Variants in WWOX observed in about 807,000 individuals in gnomAD.
WWOX encodes the protein WW domain containing oxidoreductase, also known as WW domain-containing oxidoreductase.
In WWOX, 69 loss-of-function variants were observed where a neutral mutation model predicts 46.2. The ratio of observed to expected loss-of-function variants is 1.49; its 90% CI spans 1.23 to 1.82. The LOEUF (loss-of-function observed/expected upper bound fraction) is 1.82. Among genes scored for constraint, WWOX ranks in the 40% most tolerant of loss-of-function variants. WWOX has a pLI of 0.00. For synonymous variants in WWOX, 359 were observed against 202.6 expected (o/e 1.77, Z -6.56); for missense variants, 919 against 542.6 (o/e 1.69, Z -6.89).
At chr16:78,898,692 A>T (rs2044756821) in intron 8 of WWOX, 1 of 152,084 alleles carries the variant, frequency 6.6e-6, no homozygotes, top group East Asian at 1.9e-4. Flanking sequence ...GAATCTCTTG[A>T]TCAATTTGAG....
intron 8 of WWOX, among the ~76,000 whole-genome samples, chr16:78,838,219 C>G (rs1014368473): frequency 5.9e-5 from 9 of 151,904 alleles, no homozygotes; most frequent in African/African-American, 1.9e-4. Context: ...AAGCAGGGTA[C>G]GTGGAGGGCT....
intron 5 of WWOX, among the ~76,000 whole-genome samples, chr16:78,219,676 T>C (rs1431556803): frequency 6.6e-6 from 1 of 152,192 alleles, no homozygotes; most frequent in East Asian, 1.9e-4. Context: ...GGGAAGACAT[T>C]ATTTGGCAAC....
chr16:78,599,110 A>G (rs961777792), intron 8 of WWOX, among the ~76,000 whole-genome samples: 1 of 152,186 alleles, frequency 6.6e-6, no homozygotes, highest in East Asian at 1.9e-4. Flanking sequence ...TGCCAGCTCA[A>G]GCTGCTCTCA....
intron 8 of WWOX, among the ~76,000 whole-genome samples, chr16:78,967,459 GTTTTTT>G (rs57576563): frequency 1.0e-5 from 1 of 98,348 alleles, no homozygotes; most frequent in African/African-American, 3.9e-5. Flanking sequence ...AATTTTTGTG[GTTTTTT>G]TTTTTTTTTT....
At chr16:79,026,979 G>C (rs1028150306) in intron 8 of WWOX, among the ~76,000 whole-genome samples, 2 of 150,820 alleles carry the variant, frequency 1.3e-5, no homozygotes, top group South Asian at 4.2e-4. Flanking sequence ...AGTAAATAAA[G>C]AAAAGTTAAC....
intron 4 of WWOX, among the ~76,000 whole-genome samples, chr16:78,157,443 G>A (rs1002513844): frequency 3.3e-5 from 5 of 152,146 alleles, no homozygotes. Context: ...GAGTAAATTT[G>A]AGATTATTGT....
intron 8 of WWOX, among the ~76,000 whole-genome samples, chr16:78,831,001 C>G (rs1480246632): frequency 6.6e-6 from 1 of 152,172 alleles, no homozygotes; most frequent in Admixed American, 6.5e-5. Context: ...ACTAATGATG[C>G]AGCAGTAATC....
intron 8 of WWOX, chr16:78,551,908 G>A (rs891297602): frequency 1.1e-4 from 17 of 152,260 alleles, no homozygotes; most frequent in African/African-American, 4.1e-4. Flanking sequence ...GTGGTTTGCA[G>A]TGAGCAAAAC....
intron 8 of WWOX, among the ~76,000 whole-genome samples, chr16:79,154,299 C>A (rs976129991): frequency 2.0e-5 from 3 of 152,136 alleles, no homozygotes; most frequent in Admixed American, 6.5e-5. Flanking sequence ...AGGAACAAAG[C>A]CTTTTGTTTC....
chr16:79,105,255 T>G (rs1291039132), intron 8 of WWOX, among the ~76,000 whole-genome samples: 1 of 152,152 alleles, frequency 6.6e-6, no homozygotes, highest in Non-Finnish European at 1.5e-5. Context: ...TCAAAGGAAT[T>G]TTTTTATTTT....
chr16:78,640,486 C>G (rs2046680916), intron 8 of WWOX, among the ~76,000 whole-genome samples: 1 of 151,988 alleles, frequency 6.6e-6, no homozygotes, highest in East Asian at 1.9e-4. Flanking sequence ...GAGCGGGTTC[C>G]TGTACTGCAT....
chr16:79,079,430 A>G (rs2048720427), intron 8 of WWOX, among the ~76,000 whole-genome samples: 1 of 152,098 alleles, frequency 6.6e-6, no homozygotes. Context: ...CCATCCATCT[A>G]GGCATCCCAG....
At chr16:79,170,241 A>G (rs1413108889) in intron 8 of WWOX, among the ~76,000 whole-genome samples, 1 of 152,158 alleles carries the variant, frequency 6.6e-6, no homozygotes, top group Non-Finnish European at 1.5e-5. Context: ...ACATCATCTC[A>G]TTTAATCCTC....
intron 8 of WWOX, among the ~76,000 whole-genome samples, chr16:79,154,520 AGAG>A (rs2050343274): frequency 6.7e-6 from 1 of 150,180 alleles, no homozygotes; most frequent in South Asian, 2.1e-4. Flanking sequence ...AAAAAAAAAA[AGAG>A]GTGAATTTAG....
intron 8 of WWOX, among the ~76,000 whole-genome samples, chr16:78,579,188 TG>T (rs1173776061): frequency 6.6e-6 from 1 of 152,196 alleles, no homozygotes; most frequent in Non-Finnish European, 1.5e-5. Context: ...TCCCTATTTG[TG>T]GGTGTTACTT....
intron 5 of WWOX, among the ~76,000 whole-genome samples, chr16:78,270,896 A>T (rs1449833636): frequency 6.6e-6 from 1 of 152,192 alleles, no homozygotes; most frequent in South Asian, 2.1e-4. Flanking sequence ...AAGGTACTTA[A>T]CTATCTGGCC....
chr16:78,880,402 C>T (rs1319755763), intron 8 of WWOX, among the ~76,000 whole-genome samples: 3 of 152,080 alleles, frequency 2.0e-5, no homozygotes, highest in African/African-American at 4.8e-5. Context: ...GGGAATTATG[C>T]GATTACAAAA....
At chr16:79,199,074 A>G (rs946069208) in intron 8 of WWOX, among the ~76,000 whole-genome samples, 8 of 151,660 alleles carry the variant, frequency 5.3e-5, no homozygotes, top group Non-Finnish European at 1.0e-4. Context: ...ATTTTATTTT[A>G]TTTTTCAAGA....
chr16:78,409,801 T>A (rs1342202187), intron 6 of WWOX, among the ~76,000 whole-genome samples: 1 of 152,150 alleles, frequency 6.6e-6, no homozygotes, highest in East Asian at 1.9e-4. Flanking sequence ...CACAACATCT[T>A]CAAAACCAGC....
Sources: allele counts gnomAD v4.1 joint callset (sites outside exome capture counted in the v4.1 genomes callset), GRCh38; gene constraint gnomAD v4.1.1; transcripts MANE v1.5; gene names NCBI Gene and HGNC (gene_info 2026-07-23, HGNC 2026-07-21).